SRRM4: variants seen among roughly 807,000 people sequenced by gnomAD.
The protein encoded by SRRM4 is serine/arginine repetitive matrix 4, also known as serine/arginine repetitive matrix protein 4.
SRRM4 carries 33 observed loss-of-function variants against 68.9 expected under a neutral mutation model. The observed-to-expected ratio is 0.48, with a 90% confidence interval of 0.36 to 0.64. SRRM4 has a LOEUF of 0.64. SRRM4 is among the 30% of genes least tolerant of loss of function. The pLI, the probability that SRRM4 is intolerant of heterozygous loss-of-function variation, is 0.00. For missense variants in SRRM4, 817 were observed against 827.1 expected, an observed-to-expected ratio of 0.99 and a Z score of 0.15; for synonymous variants, 318 against 318.8, an observed-to-expected ratio of 1.00 and a Z score of 0.03.
At chr12:119,006,302 C>A (rs1454130502) in intron 1 of SRRM4, among the ~76,000 whole-genome samples, 1 of 151,210 alleles carries the variant, frequency 6.6e-6, no homozygotes, top group Non-Finnish European at 1.5e-5. Flanking sequence ...GGGTGTGAGG[C>A]GATGGTGTGT....
At chr12:119,030,704 A>G (rs1234936561) in intron 1 of SRRM4, among the ~76,000 whole-genome samples, 2 of 152,192 alleles carry the variant, frequency 1.3e-5, no homozygotes, top group East Asian at 1.9e-4. Flanking sequence ...ACAATATATC[A>G]TGAAATTTTA....
intron 1 of SRRM4, among the ~76,000 whole-genome samples, chr12:119,064,859 T>C (rs1003438462): frequency 6.6e-6 from 1 of 152,170 alleles, no homozygotes. Context: ...TTTTTGGATG[T>C]GTATTGTCAG....
intron 1 of SRRM4, among the ~76,000 whole-genome samples, chr12:119,002,761 G>A (rs1035658277): frequency 1.3e-5 from 2 of 152,064 alleles, no homozygotes; most frequent in South Asian, 2.1e-4. Context: ...TATGATACTA[G>A]GAGAGCCAAT....
intron 3 of SRRM4, among the ~76,000 whole-genome samples, chr12:119,115,400 A>G (rs530489476): frequency 2.0e-5 from 3 of 152,190 alleles, no homozygotes; most frequent in Non-Finnish European, 2.9e-5. Context: ...TGCCAACTCC[A>G]GAGGGGCAGG....
chr12:119,133,347 T>C (rs965449413), intron 8 of SRRM4, among the ~76,000 whole-genome samples: 2 of 152,230 alleles, frequency 1.3e-5, no homozygotes, highest in Non-Finnish European at 2.9e-5. Context: ...GTGATAGTGG[T>C]AGCCACAATA....
chr12:118,981,992 C>A lies in SRRM4; in HGVS notation c.110C>A (p.Thr37Lys), dbSNP rs1306060661. The A allele has an allele frequency of 2.5e-6, 4 of 1,609,698 alleles. No homozygotes were observed. In the South Asian group the frequency reaches 3.3e-5, roughly 13 times the overall value. Residue 37 changes from threonine to lysine, a missense_variant, in exon 1 of 13, where the codon ACG (threonine) becomes AAG (lysine). Physicochemically the swap from Thr to Lys is moderately conservative, Grantham distance 78. Transcript: ENST00000267260. Reference protein sequence around the residue: ...RPESIIVASITARKPLPRTEP... With the variant: ...RPESIIVASIKARKPLPRTEP... ...GAGAGCATCATTGTCGCCAGTATCA[C>A]GGCCCGCAAGCCGCTGCCAAGGTAA... is the stretch of plus-strand genomic sequence containing the variant.
At chr12:118,992,914 G>T (rs1274931915) in intron 1 of SRRM4, among the ~76,000 whole-genome samples, 3 of 152,136 alleles carry the variant, frequency 2.0e-5, no homozygotes, top group Non-Finnish European at 2.9e-5. Context: ...AATTCCTTGG[G>T]GGAAGAAGAC....
intron 1 of SRRM4, among the ~76,000 whole-genome samples, chr12:119,097,245 G>T (rs1045031798): frequency 1.6e-4 from 25 of 152,376 alleles, no homozygotes; most frequent in African/African-American, 6.0e-4. Flanking sequence ...GTAGGGAAGG[G>T]AGATAGGTGG....
rs1954491345 is a variant in SRRM4 at position 119,158,967 on chromosome 12, T to TTTTTG, written c.*2170_*2171insTTTGT. 1 of 137,124 alleles carries TTTTTG rather than the reference T, an allele frequency of 7.3e-6. No individual in the cohort carries two copies. Among genetic ancestry groups the TTTTTG allele is most frequent in the African/African-American group, 2.7e-5 (1 of 36,768 alleles). 8.5% of individuals were successfully genotyped at this position (137,124 alleles called of 1,614,324 possible). The stretch of plus-strand genomic sequence containing the variant: ...TGAATTATTTATTTATACAGAGGTT[T>TTTTTG]TGTGTGTGTGTGTGTGTGTGTGTGT... On this transcript the variant is annotated 3_prime_UTR_variant, in exon 13 of 13. Coordinates refer to ENST00000267260, the MANE Select transcript of SRRM4 (RefSeq NM_194286.4).
chr12:118,982,028 CT>C lies in SRRM4; in HGVS notation c.131+17del. On this transcript the variant is annotated intron_variant, in intron 1 of 12. Coordinates refer to ENST00000267260, the MANE Select transcript of SRRM4 (RefSeq NM_194286.4). The stretch of plus-strand genomic sequence containing the variant: ...CCGCTGCCAAGGTAATGATCTCCTT[CT>C]TAGAAGGGGGGATCCTGAAGGTCCT... 1 of 1,601,916 alleles carries C rather than the reference CT, an allele frequency of 6.2e-7. No homozygotes were observed. Among genetic ancestry groups the C allele is most frequent in the South Asian group, 1.1e-5 (1 of 88,528 alleles).
intron 1 of SRRM4, among the ~76,000 whole-genome samples, chr12:118,996,510 T>C (rs1953350568): frequency 6.6e-6 from 1 of 152,228 alleles, no homozygotes; most frequent in Non-Finnish European, 1.5e-5. Context: ...CAGGAGTTAA[T>C]AGTATCAAAA....
chr12:119,074,548 T>C (rs1042649320), intron 1 of SRRM4, among the ~76,000 whole-genome samples: 14 of 152,138 alleles, frequency 9.2e-5, no homozygotes, highest in Non-Finnish European at 1.3e-4. Context: ...GAAAATCACA[T>C]ATACATATGA....
chr12:119,022,245 T>C (rs1366075338), intron 1 of SRRM4, among the ~76,000 whole-genome samples: 1 of 152,158 alleles, frequency 6.6e-6, no homozygotes, highest in African/African-American at 2.4e-5. Context: ...CTTTCTCTGA[T>C]AGACAAGCCT....
rs1176165575 is a variant in SRRM4, at chr12:119,158,352, C to T, written c.*1554C>T. Reference sequence around the variant, plus strand: ...GAAGCAAGGGCCAAACATTCTTTATCCCTCCCACCCCAGGGAAAACATTTG... The same window carrying T: ...GAAGCAAGGGCCAAACATTCTTTATTCCTCCCACCCCAGGGAAAACATTTG... On this transcript the variant is annotated 3_prime_UTR_variant, in exon 13 of 13. Coordinates refer to ENST00000267260, the MANE Select transcript of SRRM4 (RefSeq NM_194286.4). The T allele has an allele frequency of 6.5e-6, 1 of 152,712 alleles. No homozygotes were observed. Among genetic ancestry groups the T allele is most frequent in the Non-Finnish European group, 1.5e-5 (1 of 68,092 alleles). 9.5% of individuals were successfully genotyped at this position (152,712 alleles called of 1,614,324 possible).
At chr12:119,144,784 A>T (rs1954390505) in intron 8 of SRRM4, among the ~76,000 whole-genome samples, 1 of 152,022 alleles carries the variant, frequency 6.6e-6, no homozygotes, top group African/African-American at 2.4e-5. Flanking sequence ...CTTTATATTT[A>T]AAAAAACAAA....
chr12:119,060,327 A>C (rs1281022393), intron 1 of SRRM4, among the ~76,000 whole-genome samples: 2 of 150,992 alleles, frequency 1.3e-5, no homozygotes, highest in African/African-American at 4.9e-5. Context: ...CCATGGATCC[A>C]AAGTGGAAAT....
intron 1 of SRRM4, among the ~76,000 whole-genome samples, chr12:118,992,738 AG>A (rs376046775): frequency 6.6e-6 from 1 of 152,212 alleles, no homozygotes; most frequent in Non-Finnish European, 1.5e-5. Flanking sequence ...GAGGGCAGCC[AG>A]GGGGACCTTC....
chr12:119,130,373 G>T (rs1954288854), intron 7 of SRRM4, among the ~76,000 whole-genome samples: 1 of 148,100 alleles, frequency 6.8e-6, no homozygotes, highest in African/African-American at 2.5e-5. Flanking sequence ...ATTGAGAGAT[G>T]GCTAGTTAGA....
intron 1 of SRRM4, among the ~76,000 whole-genome samples, chr12:119,019,663 A>G (rs1953502309): frequency 6.6e-6 from 1 of 152,176 alleles, no homozygotes; most frequent in African/African-American, 2.4e-5. Context: ...TTCTCTGCTC[A>G]TGAACATCCT....
Sources: gnomAD v4.1 joint callset for allele counts (sites outside exome capture counted in the v4.1 genomes callset) on GRCh38, gnomAD v4.1.1 for gene constraint, MANE v1.5 for transcripts, NCBI Gene and HGNC (gene_info 2026-07-23, HGNC 2026-07-21) for gene names.